Variants in MAP7 observed in about 807,000 individuals in gnomAD.
MAP7 encodes the protein ensconsin.
A neutral mutation model predicts 94.8 loss-of-function variants in MAP7; 52 were observed. The observed-to-expected ratio is 0.55, with a 90% CI of 0.44 to 0.69. MAP7 has a LOEUF of 0.69. MAP7 is among the 30% of genes least tolerant of loss of function. The pLI, the probability that MAP7 is intolerant of heterozygous loss-of-function variation, is 0.00. For missense variants in MAP7, 940 were observed against 964.6 expected, an observed-to-expected ratio of 0.97 and a Z score of 0.34; for synonymous variants, 350 against 357.0, an observed-to-expected ratio of 0.98 and a Z score of 0.22.
chr6:136,491,021 T>C (rs551600433), intron 1 of MAP7, among the ~76,000 whole-genome samples: 3 of 152,366 alleles, frequency 2.0e-5, no homozygotes, highest in East Asian at 3.9e-4. Context: ...GTGATGTCTT[T>C]GAACTTTTTT....
At chr6:136,345,160 T>C (rs1262124639) in intron 17 of MAP7, among the ~76,000 whole-genome samples, 2 of 152,206 alleles carry the variant, frequency 1.3e-5, no homozygotes, top group African/African-American at 4.8e-5. Flanking sequence ...ATATTTGATA[T>C]TATGTCTTCT....
At chr6:136,372,817 T>C (rs1774973431) in intron 7 of MAP7, among the ~76,000 whole-genome samples, 192 bp from the exon 8 acceptor site, 1 of 152,108 alleles carries the variant, frequency 6.6e-6, no homozygotes, top group Non-Finnish European at 1.5e-5. Flanking sequence ...GTCCTTACAG[T>C]CCTATGAATT....
At chr6:136,546,279 G>A (rs1303343313) in intron 1 of MAP7, among the ~76,000 whole-genome samples, 1 of 151,076 alleles carries the variant, frequency 6.6e-6, no homozygotes, top group Non-Finnish European at 1.5e-5. Context: ...TCCCAAAGTG[G>A]TGAGATTACA....
intron 1 of MAP7, among the ~76,000 whole-genome samples, chr6:136,492,503 T>A (rs1023382073): frequency 6.6e-6 from 1 of 152,208 alleles, no homozygotes; most frequent in Non-Finnish European, 1.5e-5. Context: ...GTAAATATAA[T>A]CTTAGCTCTA....
intron 1 of MAP7, among the ~76,000 whole-genome samples, chr6:136,534,855 A>G (rs1356479656): frequency 6.6e-6 from 1 of 152,202 alleles, no homozygotes; most frequent in Non-Finnish European, 1.5e-5. Flanking sequence ...GTACAGATAT[A>G]TAGATTACAA....
intron 8 of MAP7, among the ~76,000 whole-genome samples, chr6:136,368,647 T>C (rs1248683991): frequency 6.6e-6 from 1 of 152,168 alleles, no homozygotes. Context: ...AACAACTCTA[T>C]TTCCTATAGC....
intron 1 of MAP7, among the ~76,000 whole-genome samples, chr6:136,445,459 C>T (rs1376131940): frequency 1.3e-5 from 2 of 152,178 alleles, no homozygotes; most frequent in Admixed American, 6.5e-5. Context: ...AGTACAAAAC[C>T]TATCTGCATT....
At chr6:136,397,155 G>C (rs1782707458) in intron 3 of MAP7, among the ~76,000 whole-genome samples, 1 of 152,164 alleles carries the variant, frequency 6.6e-6, no homozygotes, top group Non-Finnish European at 1.5e-5. Flanking sequence ...ATGCTAGTGA[G>C]TGCAAACTTA....
intron 6 of MAP7, among the ~76,000 whole-genome samples, chr6:136,379,230 T>C (rs1257781626): frequency 6.6e-6 from 1 of 152,242 alleles, no homozygotes; most frequent in Non-Finnish European, 1.5e-5. Context: ...GTCTTAAAAA[T>C]AGTTGCTTCC....
chr6:136,462,395 A>C (rs111587501), intron 1 of MAP7, among the ~76,000 whole-genome samples: 2,109 of 152,248 alleles, frequency 0.014, 56 homozygotes, highest in African/African-American at 0.048. Context: ...TTCCTGATTT[A>C]AGTTTCTCCC....
At chr6:136,445,276 C>G (rs1349032711) in intron 1 of MAP7, among the ~76,000 whole-genome samples, 1 of 152,140 alleles carries the variant, frequency 6.6e-6, no homozygotes, top group East Asian at 1.9e-4. Context: ...AGATTGGAAA[C>G]TGCTGCTGCA....
intron 9 of MAP7, 70 bp from the exon 10 acceptor site, chr6:136,366,088 G>A (rs971887791): frequency 1.0e-5 from 15 of 1,464,882 alleles, no homozygotes; most frequent in African/African-American, 8.4e-5. Flanking sequence ...CCTAGAACAC[G>A]ACTCGATGGA....
In MAP7 at chr6:136,362,601, A is replaced by G. The variant is rs531158079; in HGVS notation, c.1375T>C (p.Ser459Pro). ...PTPAMVSAPS[S>P]TVNASASVKT... ...ACAGAAGCACTGGCATTCACAGTGG[A>G]TGACGGGGCTGAGACCATGGCTGGG... The change falls in exon 11 of 18, where the codon TCC becomes CCC. Residue 459 changes from serine to proline, a missense_variant. Transcript: ENST00000354570. 11 of 1,613,920 alleles carry G rather than the reference A, an allele frequency of 6.8e-6. No individual in the cohort carries two copies. The highest frequency in any genetic ancestry group is 1.7e-5 in the Admixed American group (1 of 60,008).
chr6:136,446,253 C>A (rs954735122), intron 1 of MAP7, among the ~76,000 whole-genome samples: 2 of 151,086 alleles, frequency 1.3e-5, no homozygotes, highest in African/African-American at 4.9e-5. Flanking sequence ...GGGCACAGAT[C>A]ATCAGAGGTG....
intron 1 of MAP7, among the ~76,000 whole-genome samples, chr6:136,443,486 C>G (rs1798464224): frequency 7.6e-6 from 1 of 131,904 alleles, no homozygotes; most frequent in African/African-American, 3.0e-5. Context: ...GAGTCTTGCT[C>G]TGTCACCCAG....
intron 3 of MAP7, among the ~76,000 whole-genome samples, chr6:136,397,413 G>T (rs1782781005): frequency 6.6e-6 from 1 of 152,056 alleles, no homozygotes. Context: ...TAATGTTGAG[G>T]TTATGTATTT....
chr6:136,420,220 C>A, intron 2 of MAP7: 1 of 1,057,604 alleles, frequency 9.5e-7, no homozygotes, highest in Non-Finnish European at 1.5e-6. Flanking sequence ...CATTTCAGAG[C>A]CAGGAACATA....
chr6:136,345,771 T>A, intron 17 of MAP7, 85 bp downstream of exon 17: 1 of 1,070,510 alleles, frequency 9.3e-7, no homozygotes. Flanking sequence ...GTTACCACAA[T>A]CATACTGTAG....
At chr6:136,389,249 A>T (rs1780007507) in intron 4 of MAP7, 105 bp downstream of exon 4, 2 of 1,463,302 alleles carry the variant, frequency 1.4e-6, no homozygotes, top group East Asian at 4.9e-5. Context: ...TCACTCTGAA[A>T]CCATTTTGCT....
Sources: gnomAD v4.1 joint callset for allele counts (sites outside exome capture counted in the v4.1 genomes callset) on GRCh38, gnomAD v4.1.1 for gene constraint, MANE v1.5 for transcripts, NCBI Gene and HGNC (gene_info 2026-07-23, HGNC 2026-07-21) for gene names.